GIGYF2: variants seen among roughly 807,000 people sequenced by gnomAD.
GIGYF2 encodes GRB10 interacting GYF protein 2.
Under a neutral mutation model 208.1 loss-of-function variants are expected in GIGYF2, and 25 were observed. The ratio of observed to expected loss-of-function variants is 0.12; its 90% confidence interval spans 0.09 to 0.17. The LOEUF is 0.17. Ranked by LOEUF, GIGYF2 falls within the 10% of genes least tolerant of loss-of-function variation. GIGYF2 has a pLI of 1.00. For synonymous variants in GIGYF2, 534 were observed against 543.8 expected (o/e 0.98, Z 0.25); for missense variants, 1,302 against 1,579.4 (o/e 0.82, Z 2.98).
intron 14 of GIGYF2, among the ~76,000 whole-genome samples, chr2:232,801,721 T>C (rs1391561118): frequency 1.3e-5 from 2 of 152,212 alleles, no homozygotes; most frequent in Non-Finnish European, 2.9e-5. Flanking sequence ...GATCTCTTGC[T>C]ATTTTTCAAG....
At chr2:232,705,956 C>G (rs962511988) in intron 2 of GIGYF2, 1 of 152,176 alleles carries the variant, frequency 6.6e-6, no homozygotes, top group South Asian at 2.1e-4. Flanking sequence ...CCACTTACCT[C>G]GGCTTCCCAA....
chr2:232,768,615 G>A (rs1316922533), intron 8 of GIGYF2: 2 of 1,613,996 alleles, frequency 1.2e-6, no homozygotes, highest in Non-Finnish European at 1.7e-6. Context: ...ATCCACACTG[G>A]TCTGGTAGAG....
chr2:232,784,210 A>G (rs901842340), intron 8 of GIGYF2, among the ~76,000 whole-genome samples: 1 of 152,096 alleles, frequency 6.6e-6, no homozygotes, highest in African/African-American at 2.4e-5. Flanking sequence ...GTGCCCTTCT[A>G]CATAATTTAC....
intron 2 of GIGYF2, among the ~76,000 whole-genome samples, chr2:232,728,507 T>G (rs1697308739): frequency 6.6e-6 from 1 of 152,138 alleles, no homozygotes; most frequent in Non-Finnish European, 1.5e-5. Context: ...TAGAGAGAGT[T>G]TCAGATGATC....
chr2:232,723,073 C>T (rs1055869871), intron 2 of GIGYF2, among the ~76,000 whole-genome samples: 4 of 152,176 alleles, frequency 2.6e-5, no homozygotes, highest in African/African-American at 9.6e-5. Context: ...CTGCCTACCT[C>T]AGCGTCAGTG....
intron 2 of GIGYF2, chr2:232,729,894 T>C (rs1196253728): frequency 5.4e-6 from 4 of 739,308 alleles, no homozygotes; most frequent in Non-Finnish European, 1.0e-5. Context: ...TCCAAAGAGA[T>C]CAATGTCATC....
chr2:232,819,839 C>A lies in GIGYF2; in HGVS notation c.2383C>A (p.Arg795Ser). The A allele has an allele frequency of 7.5e-7, 1 of 1,326,844 alleles. No homozygotes were observed. The highest frequency in any genetic ancestry group is 1.0e-6 in the Non-Finnish European group (1 of 996,726). 82.2% of individuals were successfully genotyped at this position (1,326,844 alleles called of 1,614,324 possible). A position where few individuals can be genotyped will look rare whatever the true frequency, so the allele number is the denominator to read the frequency against. ...LARRKQEEAL[R>S]RQREQEIALR... Reference sequence around the variant, plus strand: ...CTTTTTTCCTTAGGAAGAGGCTCTGCGTCGCCAGCGGGAGCAAGAAATTGC... The same window carrying A: ...CTTTTTTCCTTAGGAAGAGGCTCTGAGTCGCCAGCGGGAGCAAGAAATTGC... The change falls in exon 21 of 29, where the codon CGT becomes AGT. Residue 795 changes from arginine to serine, a missense_variant. This residue lies in a region of GIGYF2 where 701 missense variants were observed against 793.0 expected (regional missense o/e 0.88). Transcript: ENST00000373563.
At chr2:232,710,993 G>A (rs1474072336) in intron 2 of GIGYF2, among the ~76,000 whole-genome samples, 2 of 151,794 alleles carry the variant, frequency 1.3e-5, no homozygotes, top group South Asian at 2.1e-4. Context: ...GAACCACTGC[G>A]CCTGGCCAGA....
intron 5 of GIGYF2, 67 bp downstream of exon 5, chr2:232,749,149 G>C: frequency 2.4e-6 from 2 of 832,702 alleles, no homozygotes; most frequent in Non-Finnish European, 4.3e-6. Context: ...AAAATAGGAA[G>C]TTACTATTTA....
chr2:232,706,188 CT>C (rs1010950136), intron 2 of GIGYF2, among the ~76,000 whole-genome samples: 2 of 152,132 alleles, frequency 1.3e-5, no homozygotes, highest in Non-Finnish European at 2.9e-5. Context: ...ACTTATGTTA[CT>C]TTTTTTCAGC....
intron 28 of GIGYF2, among the ~76,000 whole-genome samples, chr2:232,852,106 C>G (rs1195158349): frequency 6.6e-6 from 1 of 152,182 alleles, no homozygotes; most frequent in Non-Finnish European, 1.5e-5. Flanking sequence ...TGTGGGACAT[C>G]ATGAAGAGCG....
intron 8 of GIGYF2, among the ~76,000 whole-genome samples, chr2:232,785,605 G>A (rs1699884771): frequency 6.6e-6 from 1 of 152,198 alleles, no homozygotes; most frequent in African/African-American, 2.4e-5. Context: ...ATAATTGGGG[G>A]TAGAGGATTC....
At chr2:232,802,615 CTTT>C (rs1226535934) in intron 14 of GIGYF2, among the ~76,000 whole-genome samples, 1 of 152,024 alleles carries the variant, frequency 6.6e-6, no homozygotes, top group Admixed American at 6.6e-5. Flanking sequence ...GGTGTATAAT[CTTT>C]TTAATATATT....
chr2:232,810,815 G>A (rs563391198), intron 16 of GIGYF2: 38 of 197,666 alleles, frequency 1.9e-4, no homozygotes, highest in Non-Finnish European at 3.2e-4. Context: ...GACGATCAAT[G>A]TATGAATTTT....
intron 22 of GIGYF2, among the ~76,000 whole-genome samples, chr2:232,837,057 C>T (rs925288917): frequency 2.0e-5 from 3 of 152,312 alleles, no homozygotes; most frequent in African/African-American, 7.2e-5. Flanking sequence ...TGGCTTGGCC[C>T]GGCCAGCTGC....
Position 232,769,499 on chromosome 2 carries a change from C to A in GIGYF2, c.532+8063C>A, listed in dbSNP as rs1046200926. Among the ~76,000 whole-genome samples the A allele has an allele frequency of 1.7e-4, 23 of 136,376 alleles. 1 individual carries two copies. The highest frequency in any genetic ancestry group is 5.9e-4 in the African/African-American group (21 of 35,488). The allele number at this position is 136,376 out of a possible 152,430, so 89.5% of individuals were successfully genotyped here. A position where few individuals can be genotyped will look rare whatever the true frequency, so the allele number is the denominator to read the frequency against. On this transcript the variant is annotated intron_variant, in intron 8 of 28. Transcript: ENST00000373563. Reference sequence around the variant, plus strand: ...CCAGCCTGGGCAACAGAGGAAGACTCCATCTCAAAAAAAAAAAAAAAAAAA... The same window carrying A: ...CCAGCCTGGGCAACAGAGGAAGACTACATCTCAAAAAAAAAAAAAAAAAAA...
chr2:232,770,837 A>G, intron 8 of GIGYF2: 3 of 1,127,958 alleles, frequency 2.7e-6, no homozygotes, highest in South Asian at 2.6e-5. Flanking sequence ...ACCCTTTCCA[A>G]ACACCTGTAG....
intron 9 of GIGYF2, chr2:232,788,503 A>G (rs1241430766): frequency 2.2e-6 from 1 of 462,804 alleles, no homozygotes; most frequent in Admixed American, 2.4e-5. Context: ...GGGTTTGTAG[A>G]CTATGTTCCC....
intron 3 of GIGYF2, among the ~76,000 whole-genome samples, chr2:232,746,801 A>T (rs181595302): frequency 6.6e-6 from 1 of 152,284 alleles, no homozygotes; most frequent in Admixed American, 6.5e-5. Flanking sequence ...GTTGTGAAAT[A>T]TTTCAGGCAT....
Sources: allele counts gnomAD v4.1 joint callset (sites outside exome capture counted in the v4.1 genomes callset), GRCh38; gene constraint gnomAD v4.1.1; regional missense constraint gnomAD v4.1.1; transcripts MANE v1.5; gene names NCBI Gene and HGNC (gene_info 2026-07-23, HGNC 2026-07-21).